Variants in KIF7 observed in about 807,000 individuals in gnomAD.
The protein encoded by KIF7 is kinesin-like protein KIF7.
In KIF7, 104 loss-of-function variants were observed where a neutral mutation model predicts 135.7. The observed-to-expected ratio is 0.77, with a 90% confidence interval of 0.65 to 0.90. The LOEUF is 0.90. Among genes scored for constraint, KIF7 ranks in the 40% least tolerant of loss-of-function variants. KIF7 has a pLI of 0.00. For synonymous variants in KIF7, 883 were observed against 809.4 expected (o/e 1.09, Z -1.54); for missense variants, 2,005 against 1,839.1 (o/e 1.09, Z -1.65).
rs138986036 is a variant in KIF7 at position 89,629,019 on chromosome 15, C to T, written c.3621G>A (p.Leu1207=). 64 of 1,613,686 alleles carry T rather than the reference C, an allele frequency of 4.0e-5. No homozygotes were observed. The African/African-American group carries it at 7.6e-4, about 19-fold the overall frequency. The change falls in exon 18 of 19, where the codon CTG becomes CTA. Residue 1207 remains leucine (L), a synonymous_variant. Transcript: ENST00000394412. ...CGTTCACACCGCCGAGCTTCTGTTT[C>T]AGTTCCTGGTTTATCCACATGTAAC... ...LGRYMWINQE[L]KQKLGGVNAV...
chr15:89,659,284 G>C (rs886699269), upstream of KIF7, among the ~76,000 whole-genome samples: 1 of 152,046 alleles, frequency 6.6e-6, no homozygotes, highest in African/African-American at 2.4e-5. Flanking sequence ...TGTAATACCA[G>C]TACTTTTGGA....
At chr15:89,640,557 T>A (rs1023776207) in intron 11 of KIF7, among the ~76,000 whole-genome samples, 6 of 152,000 alleles carry the variant, frequency 3.9e-5, no homozygotes, top group African/African-American at 1.4e-4. Context: ...GAGCCCATGC[T>A]CTCAACCACT....
intron 1 of KIF7, among the ~76,000 whole-genome samples, chr15:89,655,063 G>A (rs903282718): frequency 6.6e-6 from 1 of 152,222 alleles, no homozygotes; most frequent in Non-Finnish European, 1.5e-5. Flanking sequence ...GGCAGCTGGG[G>A]CTGGAGGCGG....
At chr15:89,626,423 G>A (rs555189100), downstream of KIF7, among the ~76,000 whole-genome samples, 13 of 152,154 alleles carry the variant, frequency 8.5e-5, no homozygotes, top group Non-Finnish European at 1.5e-4. Context: ...GGGTTTATCC[G>A]CATGTTCTGT....
At position 89,642,320 on chromosome 15, in the gene KIF7, C is replaced by T. The variant is rs1245465021; in HGVS notation, c.2277G>A (p.Leu759=). 2 of 1,610,882 alleles carry T rather than the reference C, an allele frequency of 1.2e-6. No individual in the cohort carries two copies. Among genetic ancestry groups the T allele is most frequent in the Admixed American group, 3.3e-5 (2 of 59,888 alleles). The stretch of plus-strand genomic sequence containing the variant: ...CCCGCAGCTGCCTCTGGCCTTCACT[C>T]AGCTCGGCCCGCACCTGCTCTGCCT... ...EQEAEQVRAE[L]SEGQRQLREL... The change falls in exon 11 of 19, where the codon CTG becomes CTA. Residue 759 remains leucine, a synonymous_variant. Coordinates refer to ENST00000394412, the MANE Select transcript of KIF7 (RefSeq NM_198525.3).
chr15:89,625,011 T>C (rs1296747580), downstream of KIF7: 2 of 1,614,082 alleles, frequency 1.2e-6, no homozygotes, highest in East Asian at 2.2e-5. Flanking sequence ...AGATGCAAGC[T>C]TCTGGCCTTC....
intron 10 of KIF7, 38 bp downstream of exon 10, chr15:89,644,975 C>T (rs767614553): frequency 4.4e-6 from 7 of 1,604,144 alleles, no homozygotes; most frequent in Admixed American, 3.3e-5. Flanking sequence ...TGAGAAGTCC[C>T]CCTCGGGTGA....
chr15:89,660,537 T>G, the KIF7 span, among the ~76,000 whole-genome samples: 4 of 152,034 alleles, frequency 2.6e-5, no homozygotes, highest in Non-Finnish European at 5.9e-5. Context: ...GCTCATGAGG[T>G]GAGTTTAGGA....
In KIF7 at chr15:89,631,553, A is replaced by G; in HGVS notation, c.3053T>C (p.Leu1018Pro). Residue 1018 changes from leucine to proline, a missense_variant, in exon 15 of 19, where the codon CTC (leucine) becomes CCC (proline). Transcript: ENST00000394412. ...DSLRQEKDSL[L>P]KQRLEIDGKL... ...GCCGTCGATCTCCAGGCGCTGCTTG[A>G]GCAGCGAGTCCTTCTCCTGGCGCAG... is the stretch of plus-strand genomic sequence containing the variant. The G allele has an allele frequency of 6.3e-7, 1 of 1,580,934 alleles. No homozygotes were observed. Among genetic ancestry groups the G allele is most frequent in the Non-Finnish European group, 8.6e-7 (1 of 1,162,346 alleles).
downstream of KIF7, chr15:89,627,048 C>T (rs962028959): frequency 9.3e-6 from 15 of 1,614,008 alleles, no homozygotes; most frequent in South Asian, 8.8e-5. Context: ...AACTTATACA[C>T]GGAAGAAGCT....
chr15:89,655,967 G>T (rs1051779990), upstream of KIF7, among the ~76,000 whole-genome samples: 20 of 152,204 alleles, frequency 1.3e-4, no homozygotes, highest in Non-Finnish European at 1.5e-5. Flanking sequence ...CAAAGAGATG[G>T]TTGGTGTCTT....
At position 89,648,373 on chromosome 15, in the gene KIF7, T is replaced by A; in HGVS notation, c.1325A>T (p.Asp442Val). Residue 442 changes from aspartate to valine, a missense_variant, in exon 5 of 19, where the codon GAC (aspartate) becomes GTC (valine). Asp to Val is a radical substitution (Grantham distance 152, BLOSUM62 -3). Transcript: ENST00000394412. ...CTCGCCCTCGACGGCGCACAGCCAG[T>A]CGCGCACCTTGCGGGCGGCGGCGCC... ...LPGAAARKVR[D>V]WLCAVEGERS... is the part of the protein sequence containing the mutation. 1 of 1,230,368 alleles carries A rather than the reference T, an allele frequency of 8.1e-7. No homozygotes were observed. Among genetic ancestry groups the A allele is most frequent in the Non-Finnish European group, 1.0e-6 (1 of 983,300 alleles). 76.2% of individuals were successfully genotyped at this position (1,230,368 alleles called of 1,614,324 possible). A position where few individuals can be genotyped will look rare whatever the true frequency, so the allele number is the denominator to read the frequency against.
chr15:89,654,173 C>G (rs1212105157), intron 1 of KIF7, among the ~76,000 whole-genome samples: 1 of 152,036 alleles, frequency 6.6e-6, no homozygotes, highest in Non-Finnish European at 1.5e-5. Context: ...CCACGCCCGG[C>G]TAATTTTTTG....
intron 10 of KIF7, among the ~76,000 whole-genome samples, chr15:89,643,431 C>G (rs1435997692): frequency 6.6e-6 from 1 of 152,116 alleles, no homozygotes; most frequent in Non-Finnish European, 1.5e-5. Context: ...TTTTGAGCAT[C>G]CACAGATTTT....
chr15:89,630,790 C>A, intron 15 of KIF7: 1 of 497,090 alleles, frequency 2.0e-6, no homozygotes, highest in East Asian at 3.8e-5. Context: ...GGGACAGCCA[C>A]GGAGGCACCA....
chr15:89,648,448 T>C lies in KIF7; in HGVS notation c.1250A>G (p.Asp417Gly). Residue 417 changes from aspartate to glycine, a missense_variant, in exon 5 of 19, where the codon GAC becomes GGC. Asp to Gly is a moderately conservative substitution (Grantham distance 94, BLOSUM62 -1). Transcript: ENST00000394412. ...AECARYRACT[D>G]AAYSLLRELQ... is the part of the protein sequence containing the mutation. Reference sequence around the variant, plus strand: ...CTCGCGCAAGAGGCTGTAGGCGGCGTCGGTGCAGGCCCGGTAGCGCGCGCA... The same window carrying C: ...CTCGCGCAAGAGGCTGTAGGCGGCGCCGGTGCAGGCCCGGTAGCGCGCGCA... 1 of 1,094,380 alleles carries C rather than the reference T, an allele frequency of 9.1e-7. No individual in the cohort carries two copies. Among genetic ancestry groups the C allele is most frequent in the Non-Finnish European group, 1.1e-6 (1 of 899,678 alleles). The allele number at this position is 1,094,380 out of a possible 1,614,324, so 67.8% of individuals were successfully genotyped here. A position where few individuals can be genotyped will look rare whatever the true frequency, so the allele number is the denominator to read the frequency against.
intron 14 of KIF7, among the ~76,000 whole-genome samples, chr15:89,631,928 G>A (rs995213203): frequency 8.5e-5 from 13 of 152,224 alleles, no homozygotes; most frequent in African/African-American, 2.4e-4. Context: ...CAGAGATGGC[G>A]AGAGGAGGAT....
chr15:89,628,452 C>G lies in KIF7; in HGVS notation c.3999G>C (p.Pro1333=), dbSNP rs137993810. ...GGTTTTTCCGGACATCAATCATCCC[C>G]GGGCTGGCTCGTCGCAGTTCCCGCC... ...KPRRELRRAS[P]GMIDVRKNPL Residue 1333 remains proline, a synonymous_variant, in exon 19 of 19, where the codon CCG becomes CCC. Coordinates refer to ENST00000394412, the MANE Select transcript of KIF7 (RefSeq NM_198525.3). 2,237 of 1,609,552 alleles carry G rather than the reference C, an allele frequency of 1.4e-3. 37 individuals are homozygous for G. In the African/African-American group the frequency reaches 0.027, roughly 19 times the overall value.
intron 10 of KIF7, 87 bp downstream of exon 10, chr15:89,644,926 C>G (rs1963983838): frequency 6.4e-7 from 1 of 1,551,352 alleles, no homozygotes; most frequent in Non-Finnish European, 8.8e-7. Context: ...CTAACCACCT[C>G]ATTGTTGAAA....
Sources: gnomAD v4.1 joint callset for allele counts (sites outside exome capture counted in the v4.1 genomes callset) on GRCh38, gnomAD v4.1.1 for gene constraint, MANE v1.5 for transcripts, NCBI Gene and HGNC (gene_info 2026-07-23, HGNC 2026-07-21) for gene names.